The following CDH4 variants were observed in gnomAD, a reference collection of about 807,000 sequenced individuals.
CDH4 encodes cadherin 4.
Under a neutral mutation model 86.0 loss-of-function variants are expected in CDH4, and 33 were observed. The observed-to-expected ratio is 0.38, with a 90% confidence interval of 0.29 to 0.51. The LOEUF is 0.51. Ranked by LOEUF, CDH4 falls within the 20% of genes least tolerant of loss-of-function variation. CDH4 has a pLI of 0.86. For synonymous variants in CDH4, 555 were observed against 549.4 expected, an observed-to-expected ratio of 1.01 and a Z score of -0.14; for missense variants, 1,114 against 1,307.4, an observed-to-expected ratio of 0.85 and a Z score of 2.28.
intron 4 of CDH4, among the ~76,000 whole-genome samples, chr20:61,820,365 G>A (rs1980954388): frequency 6.6e-6 from 1 of 152,248 alleles, no homozygotes; most frequent in Admixed American, 6.5e-5. Context: ...CTGAGGCCAG[G>A]CTGGTGATCT....
chr20:61,624,660 C>T (rs1405321590), intron 2 of CDH4, among the ~76,000 whole-genome samples: 2 of 152,166 alleles, frequency 1.3e-5, no homozygotes, highest in African/African-American at 2.4e-5. Context: ...AAGTCAACTT[C>T]GAGGGCAAAA....
chr20:61,335,498 C>T (rs1217753440), intron 2 of CDH4, among the ~76,000 whole-genome samples: 3 of 152,220 alleles, frequency 2.0e-5, no homozygotes, highest in Non-Finnish European at 2.9e-5. Flanking sequence ...GGTGGTCTCA[C>T]CACTGAGAGG....
intron 2 of CDH4, among the ~76,000 whole-genome samples, chr20:61,415,309 C>T (rs2085140628): frequency 6.6e-6 from 1 of 151,990 alleles, no homozygotes; most frequent in African/African-American, 2.4e-5. Flanking sequence ...TTTTAAATGT[C>T]TTAGTGGCCA....
intron 15 of CDH4, 86 bp downstream of exon 15, chr20:61,934,306 A>C: frequency 5.7e-6 from 8 of 1,401,378 alleles, no homozygotes; most frequent in East Asian, 2.6e-5. Flanking sequence ...AGCCATCTCC[A>C]CAGTGCCGGC....
intron 4 of CDH4, among the ~76,000 whole-genome samples, chr20:61,825,322 T>C (rs1374980470): frequency 6.6e-6 from 1 of 152,150 alleles, no homozygotes; most frequent in Non-Finnish European, 1.5e-5. Flanking sequence ...GGCACGAGAA[T>C]TGCTTGAACC....
chr20:61,509,634 G>A (rs113005519), intron 2 of CDH4, among the ~76,000 whole-genome samples: 141 of 152,002 alleles, frequency 9.3e-4, no homozygotes, highest in African/African-American at 3.2e-3. Flanking sequence ...ATGCACAGCC[G>A]GCCCACACTC....
chr20:61,671,041 T>A (rs2087380690), intron 2 of CDH4, among the ~76,000 whole-genome samples: 1 of 152,040 alleles, frequency 6.6e-6, no homozygotes, highest in Non-Finnish European at 1.5e-5. Flanking sequence ...CAGTTAACAG[T>A]CGAGTGTGTA....
intron 2 of CDH4, among the ~76,000 whole-genome samples, chr20:61,278,049 A>G (rs898339188): frequency 1.3e-5 from 2 of 150,972 alleles, no homozygotes; most frequent in Middle Eastern, 3.5e-3. Flanking sequence ...ACTTTCACTC[A>G]GTGGCAGTTT....
At chr20:61,646,515 G>C (rs116775569) in intron 2 of CDH4, among the ~76,000 whole-genome samples, 3,305 of 152,316 alleles carry the variant, frequency 0.022, 135 homozygotes, top group African/African-American at 0.075. Flanking sequence ...CCCTGGGCCA[G>C]CCGTTCACCC....
At chr20:61,777,053 G>A (rs151079685) in intron 4 of CDH4, among the ~76,000 whole-genome samples, 4 of 152,268 alleles carry the variant, frequency 2.6e-5, no homozygotes, top group South Asian at 2.1e-4. Context: ...GATGTAATTC[G>A]CCAACCAGAT....
chr20:61,742,146 T>C (rs2088347769), intron 2 of CDH4, among the ~76,000 whole-genome samples: 1 of 150,396 alleles, frequency 6.6e-6, no homozygotes, highest in East Asian at 1.9e-4. Flanking sequence ...AAAAATGTAA[T>C]GATTCCGTCC....
intron 4 of CDH4, among the ~76,000 whole-genome samples, chr20:61,793,711 A>G (rs368233417): frequency 0.021 from 3,215 of 151,742 alleles, 50 homozygotes; most frequent in South Asian, 0.063. Context: ...ATGGTGGCAG[A>G]CACCTGTAAT....
chr20:61,595,990 C>T (rs1318190077), intron 2 of CDH4, among the ~76,000 whole-genome samples: 1 of 152,214 alleles, frequency 6.6e-6, no homozygotes, highest in Non-Finnish European at 1.5e-5. Context: ...GCACATTGCC[C>T]CTTGGGCAGC....
intron 13 of CDH4, among the ~76,000 whole-genome samples, chr20:61,931,231 G>A (rs560969055): frequency 2.0e-5 from 3 of 152,204 alleles, no homozygotes; most frequent in Admixed American, 6.5e-5. Flanking sequence ...GGCTTCCGTC[G>A]AGCCAAGACT....
chr20:61,836,164 G>T (rs559700590), intron 4 of CDH4, among the ~76,000 whole-genome samples: 1 of 152,226 alleles, frequency 6.6e-6, no homozygotes, highest in East Asian at 1.9e-4. Context: ...CATCGGCTAC[G>T]GGGAGGGTGA....
chr20:61,552,945 A>G (rs1270462089), intron 2 of CDH4, among the ~76,000 whole-genome samples: 1 of 152,228 alleles, frequency 6.6e-6, no homozygotes, highest in Non-Finnish European at 1.5e-5. Context: ...TGTGACTCCT[A>G]GGGATCTGCC....
At chr20:61,551,679 C>A (rs751799575) in intron 2 of CDH4, among the ~76,000 whole-genome samples, 2 of 152,182 alleles carry the variant, frequency 1.3e-5, no homozygotes, top group Non-Finnish European at 2.9e-5. Context: ...TGTCCTGTTG[C>A]AGATGAAAAC....
chr20:61,839,265 G>T (rs1166820219), intron 4 of CDH4, among the ~76,000 whole-genome samples: 1 of 152,138 alleles, frequency 6.6e-6, no homozygotes, highest in Non-Finnish European at 1.5e-5. Flanking sequence ...ATTCTGAAAG[G>T]ATATCCCGCC....
intron 6 of CDH4, among the ~76,000 whole-genome samples, chr20:61,854,275 A>G (rs1490119849): frequency 6.6e-6 from 1 of 152,194 alleles, no homozygotes; most frequent in Non-Finnish European, 1.5e-5. Context: ...CAGCTCTGGG[A>G]CTGGAAGGCA....
Sources: gnomAD v4.1 joint callset for allele counts (sites outside exome capture counted in the v4.1 genomes callset) on GRCh38, gnomAD v4.1.1 for gene constraint, MANE v1.5 for transcripts, NCBI Gene and HGNC (gene_info 2026-07-23, HGNC 2026-07-21) for gene names.